PINX1: variants seen among roughly 807,000 people sequenced by gnomAD.
PINX1 encodes PIN2 (TERF1) interacting telomerase inhibitor 1.
PINX1 carries 34 observed loss-of-function variants against 25.4 expected under a neutral mutation model. The observed-to-expected ratio is 1.34, with a 90% CI of 1.02 to 1.78. The LOEUF is 1.78. Ranked by LOEUF, PINX1 falls within the 40% of genes most tolerant of loss-of-function variation. PINX1 has a pLI of 0.00. For synonymous variants in PINX1, 197 were observed against 147.7 expected (o/e 1.33, Z -2.42); for missense variants, 592 against 404.9 (o/e 1.46, Z -3.97).
chr8:10,829,514 T>C (rs1798161595), intron 4 of PINX1, among the ~76,000 whole-genome samples: 1 of 152,094 alleles, frequency 6.6e-6, no homozygotes, highest in Admixed American at 6.6e-5. Context: ...ACTGCTTCCA[T>C]TTAACCAAAG....
intron 4 of PINX1, among the ~76,000 whole-genome samples, chr8:10,830,590 G>A (rs185867982): frequency 4.5e-3 from 692 of 152,312 alleles, no homozygotes; most frequent in Non-Finnish European, 7.7e-3. Flanking sequence ...ACAAGGAATA[G>A]ACTGTTCATA....
rs1014497129 is a variant in PINX1 at position 10,765,708 on chromosome 8, T to C, written c.680A>G (p.Tyr227Cys). Reference sequence around the variant, plus strand: ...GTGCCTCTTGGCCTTAGGCTGGAGGTAACTTTCCACATCTTTACCTGTGGC... The same window carrying C: ...GTGCCTCTTGGCCTTAGGCTGGAGGCAACTTTCCACATCTTTACCTGTGGC... Reference protein sequence around the residue: ...KEATGKDVESYLQPKAKRHTE... With the variant: ...KEATGKDVESCLQPKAKRHTE... Residue 227 changes from tyrosine (Y) to cysteine (C), a missense_variant, in exon 7 of 7, where the codon TAC becomes TGC. By Grantham distance (194) the Tyr-to-Cys change is radical (BLOSUM62 -2). Coordinates refer to ENST00000314787, the MANE Select transcript of PINX1 (RefSeq NM_017884.6). The C allele has an allele frequency of 4.2e-5, 68 of 1,613,992 alleles. No homozygotes were observed. The highest frequency in any genetic ancestry group is 5.5e-5 in the Non-Finnish European group (65 of 1,179,882).
rs184780291 is a variant in PINX1, at chr8:10,820,180, C to T, written c.471+13G>A. ...ATTAAAGCGGAACACGGAAACTGTACGTGGCTTTATACCTCGGGAGTCTTC... is the reference window on the plus strand; with the variant it reads ...ATTAAAGCGGAACACGGAAACTGTATGTGGCTTTATACCTCGGGAGTCTTC... On this transcript the variant is annotated intron_variant, in intron 6 of 6. Coordinates refer to ENST00000314787, the MANE Select transcript of PINX1 (RefSeq NM_017884.6). 1.4e-4 allele frequency: 210 copies of T among 1,552,126 alleles called. No homozygotes were observed. The highest frequency in any genetic ancestry group is 3.4e-4 in the Middle Eastern group (2 of 5,948).
chr8:10,788,530 A>T (rs371477408), intron 6 of PINX1, among the ~76,000 whole-genome samples: 92 of 152,058 alleles, frequency 6.1e-4, no homozygotes, highest in African/African-American at 2.1e-3. Flanking sequence ...GTGCCACTGC[A>T]CTCTACCTTG....
At chr8:10,777,558 G>A (rs569550249) in intron 6 of PINX1, among the ~76,000 whole-genome samples, 6 of 152,316 alleles carry the variant, frequency 3.9e-5, no homozygotes, top group Admixed American at 1.3e-4. Context: ...TTGGGTGTGC[G>A]AGTGGCTTGG....
intron 6 of PINX1, among the ~76,000 whole-genome samples, chr8:10,790,293 T>C (rs888318019): frequency 2.0e-5 from 3 of 152,062 alleles, no homozygotes; most frequent in Admixed American, 6.5e-5. Flanking sequence ...TTTCAGGAAG[T>C]CACAACTCGA....
intron 6 of PINX1, chr8:10,787,840 G>A: frequency 2.2e-6 from 1 of 456,142 alleles, no homozygotes; most frequent in Non-Finnish European, 4.4e-6. Context: ...AAAGAAAAAA[G>A]AGAGAAGGAA....
chr8:10,789,267 G>A (rs758849746), intron 6 of PINX1, among the ~76,000 whole-genome samples: 7 of 152,210 alleles, frequency 4.6e-5, no homozygotes, highest in African/African-American at 1.7e-4. Context: ...CATGCTGGAC[G>A]AGCATCCTTT....
intron 6 of PINX1, among the ~76,000 whole-genome samples, chr8:10,805,161 G>A (rs1191687903): frequency 6.6e-6 from 1 of 152,176 alleles, no homozygotes; most frequent in African/African-American, 2.4e-5. Flanking sequence ...TGTGGGAAAG[G>A]AAAATGGAGC....
Position 10,798,560 on chromosome 8 carries a change from C to T in PINX1, c.471+21633G>A, listed in dbSNP as rs190223809. On this transcript the variant is annotated intron_variant, in intron 6 of 6. Coordinates refer to ENST00000314787, the MANE Select transcript of PINX1 (RefSeq NM_017884.6). ...TCAGTCAAACATGTAGCCAGGACTC[C>T]TGGGGAAAAAAAGCCAACCAGGCAA... Among the ~76,000 whole-genome samples, 32 of 152,240 alleles carry T rather than the reference C, an allele frequency of 2.1e-4. No individual in the cohort carries two copies. In the East Asian group the frequency reaches 6.0e-3, roughly 28 times the overall value.
chr8:10,837,963 T>C (rs1798453041), intron 1 of PINX1, among the ~76,000 whole-genome samples: 1 of 152,224 alleles, frequency 6.6e-6, no homozygotes, highest in African/African-American at 2.4e-5. Flanking sequence ...AGTATACTCT[T>C]ATAACATATA....
At chr8:10,793,727 A>G (rs1398864277) in intron 6 of PINX1, among the ~76,000 whole-genome samples, 2 of 152,236 alleles carry the variant, frequency 1.3e-5, no homozygotes, top group East Asian at 3.8e-4. Flanking sequence ...CCTTACTTGA[A>G]AAACAAAAGT....
chr8:10,795,727 C>G lies in PINX1; in HGVS notation c.471+24466G>C, dbSNP rs7841090. Among the ~76,000 whole-genome samples the G allele has an allele frequency of 3.7e-3, 567 of 152,322 alleles. 2 individuals carry two copies. The highest frequency in any genetic ancestry group is 0.013 in the African/African-American group (538 of 41,566). On this transcript the variant is annotated intron_variant, in intron 6 of 6. Coordinates refer to ENST00000314787, the MANE Select transcript of PINX1 (RefSeq NM_017884.6). ...CTGCTTGTAAGAAAAAATCCCAAGA[C>G]TCTCAAAGCATACTGTATTACCTAA...
In PINX1 at chr8:10,789,574, G is replaced by C. The variant is rs1000666068; in HGVS notation, c.472-23658C>G. ...CAGAGGGGAGCTCCCTTGCAATGTA[G>C]ACAGGGCAGTGGTCAGAGGAGTAGC... is the stretch of plus-strand genomic sequence containing the variant. On this transcript the variant is annotated intron_variant, in intron 6 of 6. Transcript: ENST00000314787. Among the ~76,000 whole-genome samples, 20 of 152,288 alleles carry C rather than the reference G, an allele frequency of 1.3e-4. No homozygotes were observed. In the East Asian group the frequency reaches 3.7e-3, roughly 28 times the overall value.
intron 6 of PINX1, among the ~76,000 whole-genome samples, chr8:10,774,641 G>C (rs1332026754): frequency 6.6e-6 from 1 of 152,336 alleles, no homozygotes; most frequent in South Asian, 2.1e-4. Context: ...GGTATGCATA[G>C]TTACATGGAA....
intron 5 of PINX1, among the ~76,000 whole-genome samples, chr8:10,823,016 G>C (rs1189846566): frequency 1.3e-5 from 2 of 152,140 alleles, no homozygotes; most frequent in Non-Finnish European, 2.9e-5. Context: ...GAAGATAAGG[G>C]TAACTCCACT....
At chr8:10,770,502 T>C (rs1801189978) in intron 6 of PINX1, among the ~76,000 whole-genome samples, 1 of 152,210 alleles carries the variant, frequency 6.6e-6, no homozygotes. Flanking sequence ...TAAAGTCTGT[T>C]CTGCTTCTTT....
intron 6 of PINX1, among the ~76,000 whole-genome samples, chr8:10,774,526 C>T (rs1406547578): frequency 6.6e-6 from 1 of 152,200 alleles, no homozygotes; most frequent in Non-Finnish European, 1.5e-5. Context: ...GGTGATCCAC[C>T]CGCCTCGGCC....
At chr8:10,820,684 A>G (rs1466382176) in intron 5 of PINX1, among the ~76,000 whole-genome samples, 1 of 152,224 alleles carries the variant, frequency 6.6e-6, no homozygotes, top group East Asian at 1.9e-4. Flanking sequence ...TACACATGAA[A>G]AAATATCACT....
Sources: gnomAD v4.1 joint callset for allele counts (sites outside exome capture counted in the v4.1 genomes callset) on GRCh38, gnomAD v4.1.1 for gene constraint, MANE v1.5 for transcripts, NCBI Gene and HGNC (gene_info 2026-07-23, HGNC 2026-07-21) for gene names.